Variants in LSAMP observed in about 807,000 individuals in gnomAD.
LSAMP encodes the protein limbic system associated membrane protein, also known as limbic system-associated membrane protein.
In LSAMP, 7 loss-of-function variants were observed where a neutral mutation model predicts 38.6. That is an observed-to-expected ratio of 0.18 (90% CI 0.10 to 0.34). The LOEUF is 0.34. Among genes scored for constraint, LSAMP ranks in the 10% least tolerant of loss-of-function variants. The pLI is 1.00. For missense variants in LSAMP, 313 were observed against 420.0 expected, an observed-to-expected ratio of 0.75 and a Z score of 2.23; for synonymous variants, 154 against 166.8, an observed-to-expected ratio of 0.92 and a Z score of 0.59.
chr3:115,813,400 CTATATTAT>C (rs1392870230), intron 6 of LSAMP, among the ~76,000 whole-genome samples: 1 of 151,988 alleles, frequency 6.6e-6, no homozygotes, highest in Non-Finnish European at 1.5e-5. Context: ...GTGTAATAAG[CTATATTAT>C]TGAGGTTTGT....
Position 116,445,119 on chromosome 3 carries a change from C to T in LSAMP, c.-88G>A. On this transcript the variant is annotated 5_prime_UTR_variant, in exon 1 of 7. The change abolishes an upstream ATG in the 5' untranslated region. Coordinates refer to ENST00000490035, the MANE Select transcript of LSAMP (RefSeq NM_002338.5). ...AGAGGCTTCACCAACACGGGGCTTT[C>T]ATCCACAGCGAGCGCAGAGCGGGCT... The T allele has an allele frequency of 7.3e-7, 1 of 1,367,006 alleles. No homozygotes were observed. Among genetic ancestry groups the T allele is most frequent in the Non-Finnish European group, 1.0e-6 (1 of 1,001,124 alleles). The allele number at this position is 1,367,006 out of a possible 1,614,324, so 84.7% of individuals were successfully genotyped here.
chr3:116,218,860 C>T (rs748577410), intron 1 of LSAMP, among the ~76,000 whole-genome samples: 12 of 152,204 alleles, frequency 7.9e-5, no homozygotes, highest in African/African-American at 1.2e-4. Context: ...TTTCAACTTA[C>T]TCTGAGTGGG....
At chr3:115,928,131 T>C (rs1028046525) in intron 3 of LSAMP, among the ~76,000 whole-genome samples, 1 of 152,194 alleles carries the variant, frequency 6.6e-6, no homozygotes, top group African/African-American at 2.4e-5. Context: ...GAATAAGTGA[T>C]ATATCAAAAT....
chr3:116,126,962 T>C (rs1709022369), intron 1 of LSAMP, among the ~76,000 whole-genome samples: 1 of 152,226 alleles, frequency 6.6e-6, no homozygotes, highest in Admixed American at 6.5e-5. Flanking sequence ...TCCTAACTCT[T>C]TTTTGCTCTG....
chr3:116,279,855 G>A (rs1362249010), intron 1 of LSAMP, among the ~76,000 whole-genome samples: 1 of 152,118 alleles, frequency 6.6e-6, no homozygotes, highest in Non-Finnish European at 1.5e-5. Context: ...TCATATGATA[G>A]ATTAGCTGCA....
chr3:116,122,111 T>C (rs1025404995), intron 1 of LSAMP, among the ~76,000 whole-genome samples: 4 of 152,094 alleles, frequency 2.6e-5, no homozygotes, highest in Non-Finnish European at 4.4e-5. Flanking sequence ...ATAAGGTAAA[T>C]GTGAGAACAA....
chr3:115,831,318 G>A (rs1487186098), intron 6 of LSAMP, among the ~76,000 whole-genome samples: 2 of 152,170 alleles, frequency 1.3e-5, no homozygotes, highest in South Asian at 2.1e-4. Flanking sequence ...GTTTCAAAGT[G>A]GCAGTGATCA....
In LSAMP at chr3:116,335,269, G is replaced by A. The variant is rs150354502; in HGVS notation, c.155+109608C>T. Among the ~76,000 whole-genome samples the A allele has an allele frequency of 3.4e-4, 52 of 152,112 alleles. No individual in the cohort carries two copies. In the East Asian group the frequency reaches 8.7e-3, roughly 25 times the overall value. ...TTCATGGATTGAAAGATTTAATATC[G>A]TTAAGATGTCAATACTAACTAAAGC... On this transcript the variant is annotated intron_variant, in intron 1 of 6. Coordinates refer to ENST00000490035, the MANE Select transcript of LSAMP (RefSeq NM_002338.5).
intron 1 of LSAMP, among the ~76,000 whole-genome samples, chr3:116,114,397 GAAGA>G (rs1708697005): frequency 6.6e-6 from 1 of 152,170 alleles, no homozygotes. Context: ...TTGGAAGGAA[GAAGA>G]AAGAAAGGGA....
chr3:116,268,221 G>A (rs563610150), intron 1 of LSAMP, among the ~76,000 whole-genome samples: 14 of 151,682 alleles, frequency 9.2e-5, no homozygotes, highest in African/African-American at 2.9e-4. Context: ...AAAAATGTGT[G>A]TGTGTAGTAG....
At chr3:115,867,495 G>T (rs1339005820) in intron 3 of LSAMP, among the ~76,000 whole-genome samples, 1 of 152,060 alleles carries the variant, frequency 6.6e-6, no homozygotes, top group Non-Finnish European at 1.5e-5. Context: ...GGCTCTCAGG[G>T]AACATTATCT....
chr3:116,231,576 C>T (rs746324136), intron 1 of LSAMP, among the ~76,000 whole-genome samples: 1 of 152,114 alleles, frequency 6.6e-6, no homozygotes, highest in Non-Finnish European at 1.5e-5. Flanking sequence ...AAAACGTAAC[C>T]CTTGTCTTCA....
intron 6 of LSAMP, among the ~76,000 whole-genome samples, chr3:115,839,248 T>C (rs1290071084): frequency 1.8e-5 from 2 of 108,492 alleles, no homozygotes; most frequent in African/African-American, 7.9e-5. Context: ...TTTCCTTCCT[T>C]CCTTCCTTCT....
At chr3:116,198,319 G>C (rs1331726614) in intron 1 of LSAMP, among the ~76,000 whole-genome samples, 1 of 152,158 alleles carries the variant, frequency 6.6e-6, no homozygotes, top group Non-Finnish European at 1.5e-5. Context: ...TAGGTTAAGG[G>C]AGAAGAATGA....
At chr3:116,166,945 C>A (rs995685863) in intron 1 of LSAMP, among the ~76,000 whole-genome samples, 2 of 151,734 alleles carry the variant, frequency 1.3e-5, no homozygotes, top group Non-Finnish European at 2.9e-5. Flanking sequence ...CGCCCGCCAC[C>A]AGGCCCGGCT....
At chr3:116,389,871 A>G (rs564697366) in intron 1 of LSAMP, among the ~76,000 whole-genome samples, 1 of 152,328 alleles carries the variant, frequency 6.6e-6, no homozygotes, top group South Asian at 2.1e-4. Flanking sequence ...ACTTAATACA[A>G]ACTCTAATTA....
intron 5 of LSAMP, 57 bp downstream of exon 5, chr3:115,842,401 C>G (rs879832944): frequency 4.4e-5 from 69 of 1,575,130 alleles, no homozygotes; most frequent in Non-Finnish European, 5.6e-5. Flanking sequence ...TGTGGGGATT[C>G]TGGTGTCCCC....
chr3:116,346,568 A>G (rs546838219), intron 1 of LSAMP, among the ~76,000 whole-genome samples: 3 of 152,256 alleles, frequency 2.0e-5, no homozygotes, highest in Non-Finnish European at 2.9e-5. Context: ...AGCTCAAGCA[A>G]TCTGCCCGTC....
At chr3:116,169,455 T>C (rs576518461) in intron 1 of LSAMP, among the ~76,000 whole-genome samples, 16 of 152,226 alleles carry the variant, frequency 1.1e-4, no homozygotes, top group South Asian at 2.1e-4. Flanking sequence ...GTATCCATCA[T>C]AGGTTAAGCT....
Sources: allele counts gnomAD v4.1 joint callset (sites outside exome capture counted in the v4.1 genomes callset), GRCh38; gene constraint gnomAD v4.1.1; transcripts MANE v1.5; gene names NCBI Gene and HGNC (gene_info 2026-07-23, HGNC 2026-07-21).